The following ITPK1 variants were observed in gnomAD, a reference collection of about 807,000 sequenced individuals.
The protein encoded by ITPK1 is inositol-tetrakisphosphate 1-kinase, also known as inositol 1,3,4-trisphosphate 5/6-kinase.
Under a neutral mutation model 45.3 loss-of-function variants are expected in ITPK1, and 21 were observed. The observed-to-expected ratio is 0.46, with a 90% CI of 0.33 to 0.67. The LOEUF is 0.67. ITPK1 is among the 30% of genes least tolerant of loss of function. The pLI, the probability that ITPK1 is intolerant of heterozygous loss-of-function variation, is 0.02. For synonymous variants in ITPK1, 258 were observed against 253.6 expected (o/e 1.02, Z -0.16); for missense variants, 474 against 573.5 (o/e 0.83, Z 1.77).
At chr14:93,000,308 T>G (rs943557942) in intron 4 of ITPK1, among the ~76,000 whole-genome samples, 1 of 152,228 alleles carries the variant, frequency 6.6e-6, no homozygotes, top group Admixed American at 6.5e-5. Flanking sequence ...TCCTCAGGCA[T>G]GGATGTTTTA....
At chr14:93,075,636 G>A (rs1019683323) in intron 3 of ITPK1, among the ~76,000 whole-genome samples, 4 of 152,178 alleles carry the variant, frequency 2.6e-5, no homozygotes, top group Admixed American at 6.5e-5. Flanking sequence ...GAATGGGGAC[G>A]CTGCTCTCCT....
chr14:93,027,955 G>GA lies in ITPK1; in HGVS notation c.121-11155dup, dbSNP rs536913286. ...TTCCAAGTCACCCAGAGAGCAGTGG[G>GA]AAAAAAAGGGGCTGGTCCTTGGCTT... On this transcript the variant is annotated intron_variant, in intron 3 of 10. Transcript: ENST00000267615. Among the ~76,000 whole-genome samples, 21 of 152,200 alleles carry GA rather than the reference G, an allele frequency of 1.4e-4. No individual in the cohort carries two copies. In the South Asian group the frequency reaches 4.1e-3, roughly 30 times the overall value.
At position 93,034,477 on chromosome 14, in the gene ITPK1, T is replaced by C. The variant is rs2139897512; in HGVS notation, c.121-17676A>G. ...GCCTTCACTCCTGTATTTCTGTGCT[T>C]TTCCTCTCCAAGAATAGAATGGGGA... On this transcript the variant is annotated intron_variant, in intron 3 of 10. Transcript: ENST00000267615. The surrounding 1 kb of genome is among the most constrained non-coding windows in gnomAD (Gnocchi z 4.1). Among the ~76,000 whole-genome samples the C allele has an allele frequency of 6.6e-6, 1 of 152,254 alleles. No homozygotes were observed. The highest frequency in any genetic ancestry group is 2.4e-5 in the African/African-American group (1 of 41,552).
chr14:93,009,343 C>T (rs965083570), intron 4 of ITPK1, among the ~76,000 whole-genome samples: 2 of 152,216 alleles, frequency 1.3e-5, no homozygotes, highest in African/African-American at 4.8e-5. Context: ...CGTCCACACA[C>T]AAGCAGAGGG....
chr14:93,103,678 A>T (rs1275525728), intron 2 of ITPK1, among the ~76,000 whole-genome samples: 1 of 152,104 alleles, frequency 6.6e-6, no homozygotes, highest in Non-Finnish European at 1.5e-5. Context: ...GTGTTTTTTA[A>T]AAAGAAGATG....
intron 5 of ITPK1, among the ~76,000 whole-genome samples, chr14:92,963,422 G>T (rs1885190739): frequency 6.6e-6 from 1 of 152,222 alleles, no homozygotes; most frequent in Non-Finnish European, 1.5e-5. Context: ...TAAAGAACTA[G>T]CTGGTGGTGA....
At position 92,938,397 on chromosome 14, in the gene ITPK1, G is replaced by T; in HGVS notation, c.*3164C>A. 9.5e-7 allele frequency: 1 copy of T among 1,049,648 alleles called. No homozygotes were observed. The highest frequency in any genetic ancestry group is 1.5e-6 in the Non-Finnish European group (1 of 668,790). 65.0% of individuals were successfully genotyped at this position (1,049,648 alleles called of 1,614,324 possible). ...TTCCAGGCTAGAAGGACAAACGACA[G>T]GCTGGCTCCCTTGGTCTTGGGGTGG... On this transcript the variant is annotated 3_prime_UTR_variant, in exon 11 of 11. Transcript: ENST00000267615.
At position 93,036,602 on chromosome 14, in the gene ITPK1, C is replaced by A. The variant is rs993272685; in HGVS notation, c.121-19801G>T. 1.9e-4 allele frequency among the ~76,000 whole-genome samples: 29 copies of A among 151,836 alleles called. No homozygotes were observed. Among genetic ancestry groups the A allele is most frequent in the African/African-American group, 7.0e-4 (29 of 41,292 alleles). On this transcript the variant is annotated intron_variant, in intron 3 of 10. Transcript: ENST00000267615. This position sits in a 1 kb window ranked among gnomAD's most constrained non-coding sequence, Gnocchi z 4.1. ...ACTCTCCCCGGCGTTCTGTGGCCCA[C>A]ACCCCTCATGACTCACCAGGCTCAG...
chr14:93,092,966 A>G (rs1021127375), intron 2 of ITPK1, among the ~76,000 whole-genome samples: 5 of 152,148 alleles, frequency 3.3e-5, no homozygotes, highest in African/African-American at 1.2e-4. Context: ...GCCCCAGACC[A>G]TAATAGTCTT....
intron 2 of ITPK1, among the ~76,000 whole-genome samples, chr14:93,108,632 G>A (rs1892617549): frequency 1.3e-5 from 2 of 152,246 alleles, no homozygotes; most frequent in South Asian, 4.1e-4. Context: ...TCCCGGCCCT[G>A]AGCGCAGGAG....
In ITPK1 at chr14:92,941,652, G is replaced by A. The variant is rs780517027; in HGVS notation, c.1154C>T (p.Pro385Leu). 3.8e-5 allele frequency: 58 copies of A among 1,540,192 alleles called. No individual in the cohort carries two copies. In the Admixed American group the frequency reaches 4.5e-4, roughly 12 times the overall value. The change falls in exon 11 of 11, where the codon CCG becomes CTG. Residue 385 changes from proline (P) to leucine (L), a missense_variant. Pro to Leu is a moderately conservative substitution (Grantham distance 98). This residue lies in a region of ITPK1 where 107 missense variants were observed against 92.9 expected (regional missense o/e 1.15). Transcript: ENST00000267615. ...GGCGTTGCAGCCGAGTCTCTGGTGC[G>A]GCAGCTTGGCGGTGCCGCCCGCGTC... The part of the protein sequence containing the change: ...EADAGGTAKL[P>L]HQRLGCNAGV...
In ITPK1 at chr14:92,955,622, C is replaced by G. The variant is rs140244012; in HGVS notation, c.670+2579G>C. On this transcript the variant is annotated intron_variant, in intron 8 of 10. Coordinates refer to ENST00000267615, the MANE Select transcript of ITPK1 (RefSeq NM_014216.6). Reference sequence around the variant, plus strand: ...ACTTCAGCTCCAGCCAAAGCCTCTGCATGGATGCCACTGGCTATAAGGCAC... The same window carrying G: ...ACTTCAGCTCCAGCCAAAGCCTCTGGATGGATGCCACTGGCTATAAGGCAC... 8.8e-3 allele frequency among the ~76,000 whole-genome samples: 1,348 copies of G among 152,332 alleles called. 12 individuals are homozygous for G. The highest frequency in any genetic ancestry group is 0.03 in the African/African-American group (1,265 of 41,552).
chr14:93,088,224 C>A (rs529295912), intron 2 of ITPK1, among the ~76,000 whole-genome samples: 1 of 152,188 alleles, frequency 6.6e-6, no homozygotes, highest in African/African-American at 2.4e-5. Context: ...CAGGGACAGA[C>A]GAGGCAGTGG....
At position 92,968,268 on chromosome 14, in the gene ITPK1, T is replaced by C. The variant is rs201817959; in HGVS notation, c.365-5419A>G. On this transcript the variant is annotated intron_variant, in intron 5 of 10. Transcript: ENST00000267615. ...ATCCTTTGAACCCGGGAGGCGGAGG[T>C]TGCAGTGAGCCAAGATCGCGTCACT... 2.0e-5 allele frequency among the ~76,000 whole-genome samples: 3 copies of C among 151,798 alleles called. No individual in the cohort carries two copies. The East Asian group carries it at 5.8e-4, about 29-fold the overall frequency.
chr14:92,941,615 G>A lies in ITPK1; in HGVS notation c.1191C>T (p.Pro397=), dbSNP rs1887407021. 1 of 1,538,346 alleles carries A rather than the reference G, an allele frequency of 6.5e-7. No homozygotes were observed. The change falls in exon 11 of 11, where the codon CCC becomes CCT. Residue 397 remains proline, a synonymous_variant. Coordinates refer to ENST00000267615, the MANE Select transcript of ITPK1 (RefSeq NM_014216.6). ...AGGCCACACAATGCTGCTGGAAGCTGGGCGACACGCCGGCGTTGCAGCCGA... is the reference window on the plus strand; with the variant it reads ...AGGCCACACAATGCTGCTGGAAGCTAGGCGACACGCCGGCGTTGCAGCCGA... ...QRLGCNAGVS[P]SFQQHCVASL...
chr14:93,072,787 G>C (rs563791210), intron 3 of ITPK1, among the ~76,000 whole-genome samples: 3 of 151,986 alleles, frequency 2.0e-5, no homozygotes, highest in South Asian at 2.1e-4. Context: ...TTTGTGGTTG[G>C]GGGGGAACCC....
At chr14:93,047,539 T>C (rs1889828808) in intron 3 of ITPK1, among the ~76,000 whole-genome samples, 1 of 152,138 alleles carries the variant, frequency 6.6e-6, no homozygotes, top group Non-Finnish European at 1.5e-5. Flanking sequence ...CAAGTGGGGA[T>C]GGAGGCAGAG....
chr14:92,960,798 C>G (rs1199295327), intron 7 of ITPK1, among the ~76,000 whole-genome samples: 1 of 152,252 alleles, frequency 6.6e-6, no homozygotes, highest in African/African-American at 2.4e-5. Flanking sequence ...CGCTGCTGCT[C>G]TCGAGCCTTC....
intron 7 of ITPK1, 67 bp downstream of exon 7, chr14:92,962,288 A>T: frequency 8.8e-7 from 1 of 1,138,160 alleles, no homozygotes; most frequent in Non-Finnish European, 1.3e-6. Flanking sequence ...CCGGCAGGGT[A>T]GCAGTGAGAC....
Sources: gnomAD v4.1 joint callset for allele counts (sites outside exome capture counted in the v4.1 genomes callset) on GRCh38, gnomAD v4.1.1 for gene constraint, gnomAD v4.1.1 regional missense constraint, Gnocchi (gnomAD v3.1) non-coding constraint, MANE v1.5 for transcripts, NCBI Gene and HGNC (gene_info 2026-07-23, HGNC 2026-07-21) for gene names.